DNAJC1: variants seen among roughly 807,000 people sequenced by gnomAD.
DNAJC1 encodes the protein DnaJ heat shock protein family (Hsp40) member C1.
DNAJC1 carries 58 observed loss-of-function variants against 76.6 expected under a neutral mutation model. The ratio of observed to expected loss-of-function variants is 0.76; its 90% confidence interval spans 0.61 to 0.94. The LOEUF is 0.94. Ranked by LOEUF, DNAJC1 falls within the 40% of genes least tolerant of loss-of-function variation. The probability of loss-of-function intolerance (pLI) is 0.00; values close to 1 mark genes in which losing one functional copy is unlikely to be tolerated. For synonymous variants in DNAJC1, 258 were observed against 267.9 expected, an observed-to-expected ratio of 0.96 and a Z score of 0.36; for missense variants, 689 against 677.3, an observed-to-expected ratio of 1.02 and a Z score of -0.19.
rs550228419 is a variant in DNAJC1 at position 21,986,096 on chromosome 10, G to A, written c.222+17117C>T. ...CAAAAAATTAGCCGGGTGTGGTGGC[G>A]GGTGCCTGTAGTCCCAGCTACTCGG... On this transcript the variant is annotated intron_variant, in intron 1 of 11. Transcript: ENST00000376980. Among the ~76,000 whole-genome samples the A allele has an allele frequency of 3.3e-4, 50 of 152,146 alleles. 1 individual carries two copies. In the South Asian group the frequency reaches 5.8e-3, roughly 18 times the overall value.
chr10:21,952,130 A>C (rs924852683), intron 1 of DNAJC1, among the ~76,000 whole-genome samples: 5 of 152,200 alleles, frequency 3.3e-5, no homozygotes, highest in African/African-American at 1.2e-4. Context: ...ATTACTGGCA[A>C]CTACTCTGTT....
intron 8 of DNAJC1, among the ~76,000 whole-genome samples, chr10:21,807,326 T>C (rs1375959396): frequency 6.6e-6 from 1 of 152,160 alleles, no homozygotes; most frequent in African/African-American, 2.4e-5. Flanking sequence ...AGCTTCTCCC[T>C]GACACTAATC....
At chr10:21,847,862 A>G (rs1251514144) in intron 8 of DNAJC1, among the ~76,000 whole-genome samples, 1 of 152,122 alleles carries the variant, frequency 6.6e-6, no homozygotes, top group Non-Finnish European at 1.5e-5. Context: ...TCATATCCTA[A>G]TGGACACTTA....
intron 1 of DNAJC1, among the ~76,000 whole-genome samples, chr10:21,995,893 T>C (rs891500104): frequency 7.2e-5 from 11 of 152,204 alleles, no homozygotes; most frequent in African/African-American, 2.2e-4. Flanking sequence ...ATTAGGTCCT[T>C]ATGACACGCT....
At chr10:21,799,364 A>T (rs114253809) in intron 9 of DNAJC1, among the ~76,000 whole-genome samples, 5,346 of 152,062 alleles carry the variant, frequency 0.035, 163 homozygotes, top group African/African-American at 0.069. Flanking sequence ...AGTGGCATGA[A>T]CATGACTCAT....
Position 21,937,082 on chromosome 10 carries a change from A to G in DNAJC1, c.223-7941T>C, listed in dbSNP as rs115314704. Among the ~76,000 whole-genome samples the G allele has an allele frequency of 9.5e-3, 1,446 of 152,264 alleles. 30 individuals carry two copies. Among genetic ancestry groups the G allele is most frequent in the African/African-American group, 0.032 (1,348 of 41,566 alleles). Reference sequence around the variant, plus strand: ...AGAAACTGCAACTTTAAGTAAAATGACATATAATGAAAATTTTTTTTCATG... The same window carrying G: ...AGAAACTGCAACTTTAAGTAAAATGGCATATAATGAAAATTTTTTTTCATG... On this transcript the variant is annotated intron_variant, in intron 1 of 11. Coordinates refer to ENST00000376980, the MANE Select transcript of DNAJC1 (RefSeq NM_022365.4).
At chr10:21,963,982 C>A (rs906175362) in intron 1 of DNAJC1, among the ~76,000 whole-genome samples, 6 of 152,176 alleles carry the variant, frequency 3.9e-5, no homozygotes, top group African/African-American at 1.4e-4. Context: ...TCTTTCCCCA[C>A]CCCTACTCCC....
At chr10:21,902,887 C>T (rs1000328103) in intron 7 of DNAJC1, among the ~76,000 whole-genome samples, 2 of 152,044 alleles carry the variant, frequency 1.3e-5, no homozygotes, top group African/African-American at 2.4e-5. Flanking sequence ...AGTGTATTCA[C>T]GTTGCCTCTA....
chr10:21,998,927 G>C (rs1030434050), intron 1 of DNAJC1, among the ~76,000 whole-genome samples: 53 of 152,290 alleles, frequency 3.5e-4, no homozygotes, highest in African/African-American at 1.2e-3. Flanking sequence ...AAAATAAAAA[G>C]CTACCATCTG....
intron 11 of DNAJC1, among the ~76,000 whole-genome samples, chr10:21,758,434 G>A (rs927430321): frequency 4.6e-5 from 7 of 152,194 alleles, no homozygotes; most frequent in Non-Finnish European, 5.9e-5. Context: ...GCCCAAGCCC[G>A]GTGGGTGGGC....
At chr10:21,788,689 T>A (rs1025961909) in intron 9 of DNAJC1, among the ~76,000 whole-genome samples, 5 of 152,146 alleles carry the variant, frequency 3.3e-5, no homozygotes, top group African/African-American at 1.2e-4. Flanking sequence ...TCCCAGATTG[T>A]AGAGTTACCA....
intron 1 of DNAJC1, among the ~76,000 whole-genome samples, chr10:21,939,550 T>C (rs1837368699): frequency 6.6e-6 from 1 of 152,190 alleles, no homozygotes; most frequent in Admixed American, 6.5e-5. Context: ...ATTTCTATGT[T>C]TAGATACATA....
chr10:21,980,330 A>T (rs1033046611), intron 1 of DNAJC1, among the ~76,000 whole-genome samples: 3 of 152,140 alleles, frequency 2.0e-5, no homozygotes, highest in African/African-American at 7.2e-5. Flanking sequence ...CAAAGTTAAC[A>T]TCATCTGTGA....
In DNAJC1 at chr10:21,957,023, C is replaced by G. The variant is rs575447344; in HGVS notation, c.223-27882G>C. Among the ~76,000 whole-genome samples the G allele has an allele frequency of 3.3e-5, 5 of 151,698 alleles. 1 individual carries two copies. Among genetic ancestry groups the G allele is most frequent in the Admixed American group, 1.3e-4 (2 of 15,224 alleles). On this transcript the variant is annotated intron_variant, in intron 1 of 11. Transcript: ENST00000376980. ...TCTCCTGCCTCAGCCCCCCAAGGAACTGGGATTACAGGTACCCGCCACCGC... is the reference window on the plus strand; with the variant it reads ...TCTCCTGCCTCAGCCCCCCAAGGAAGTGGGATTACAGGTACCCGCCACCGC...
At chr10:21,873,821 T>A (rs1836143845) in intron 8 of DNAJC1, among the ~76,000 whole-genome samples, 1 of 152,238 alleles carries the variant, frequency 6.6e-6, no homozygotes, top group Non-Finnish European at 1.5e-5. Context: ...GATGAGAACA[T>A]AATATCTAAA....
chr10:21,960,473 A>T (rs1223347729), intron 1 of DNAJC1, among the ~76,000 whole-genome samples: 1 of 152,220 alleles, frequency 6.6e-6, no homozygotes, highest in Non-Finnish European at 1.5e-5. Context: ...GCACTTTAGG[A>T]GACTGAGATA....
At position 21,759,623 on chromosome 10, in the gene DNAJC1, G is replaced by GA. The variant is rs1160976711; in HGVS notation, c.1148-6dup. 2 of 1,610,876 alleles carry GA rather than the reference G, an allele frequency of 1.2e-6. No individual in the cohort carries two copies. Among genetic ancestry groups the GA allele is most frequent in the Non-Finnish European group, 1.7e-6 (2 of 1,178,114 alleles). On this transcript the variant is annotated splice_region_variant and splice_polypyrimidine_tract_variant and intron_variant, in intron 10 of 11. Coordinates refer to ENST00000376980, the MANE Select transcript of DNAJC1 (RefSeq NM_022365.4). Reference sequence around the variant, plus strand: ...GTTCGGAGAGTCTAACCATTCCTAGGAAAGAGGGTGTGCCACACAGAGGTG... The same window carrying GA: ...GTTCGGAGAGTCTAACCATTCCTAGGAAAAGAGGGTGTGCCACACAGAGGTG...
chr10:21,953,744 T>C (rs1437047527), intron 1 of DNAJC1, among the ~76,000 whole-genome samples: 1 of 149,794 alleles, frequency 6.7e-6, no homozygotes, highest in Non-Finnish European at 1.5e-5. Context: ...TCATAATGAG[T>C]TCTTGCCCTA....
chr10:21,906,601 A>T (rs897616221), intron 6 of DNAJC1, among the ~76,000 whole-genome samples: 1 of 152,200 alleles, frequency 6.6e-6, no homozygotes, highest in East Asian at 1.9e-4. Flanking sequence ...AAGTAGGCTG[A>T]AATCAATCAT....
Sources: gnomAD v4.1 joint callset for allele counts (sites outside exome capture counted in the v4.1 genomes callset) on GRCh38, gnomAD v4.1.1 for gene constraint, MANE v1.5 for transcripts, NCBI Gene and HGNC (gene_info 2026-07-23, HGNC 2026-07-21) for gene names.